Variants in MOB1A observed in about 807,000 individuals in gnomAD.
MOB1A encodes MOB1 Mps One Binder homolog A.
Under a neutral mutation model 25.1 loss-of-function variants are expected in MOB1A, and 10 were observed. The ratio of observed to expected loss-of-function variants is 0.40; its 90% CI spans 0.25 to 0.68. MOB1A has a LOEUF of 0.68. Among genes scored for constraint, MOB1A ranks in the 30% least tolerant of loss-of-function variants. The probability of loss-of-function intolerance (pLI) is 0.40; values close to 1 mark genes in which losing one functional copy is unlikely to be tolerated. For missense variants in MOB1A, 177 were observed against 256.3 expected (o/e 0.69, Z 2.11); for synonymous variants, 81 against 79.5 (o/e 1.02, Z -0.10).
chr2:74,167,448 A>G (rs759926264), intron 2 of MOB1A, among the ~76,000 whole-genome samples: 3 of 152,160 alleles, frequency 2.0e-5, no homozygotes, highest in Non-Finnish European at 4.4e-5. Flanking sequence ...ACAGGGTTTC[A>G]CCATGTTGGC....
At chr2:74,159,383 C>A in intron 4 of MOB1A, 129 bp from the exon 5 acceptor site, 1 of 746,098 alleles carries the variant, frequency 1.3e-6, no homozygotes. Flanking sequence ...CCTCGACCTC[C>A]TGGGCTCAAC....
rs1182254078 is a variant in MOB1A at position 74,169,769 on chromosome 2, C to G, written c.182-2662G>C. Among the ~76,000 whole-genome samples the G allele has an allele frequency of 2.0e-5, 3 of 152,030 alleles. No homozygotes were observed. The East Asian group carries it at 5.9e-4, about 30-fold the overall frequency. On this transcript the variant is annotated intron_variant, in intron 2 of 5. Coordinates refer to ENST00000396049, the MANE Select transcript of MOB1A (RefSeq NM_018221.5). Reference sequence around the variant, plus strand: ...TCAGCCTCCTCAGTAGCTGGGATTACAGGTGTGTGCCACCACACCCAGCAA... The same window carrying G: ...TCAGCCTCCTCAGTAGCTGGGATTAGAGGTGTGTGCCACCACACCCAGCAA...
chr2:74,174,293 A>G (rs75127362), intron 1 of MOB1A, among the ~76,000 whole-genome samples: 4,504 of 151,736 alleles, frequency 0.03, 183 homozygotes, highest in African/African-American at 0.095. Flanking sequence ...AAAGAAAAGA[A>G]AAGAAAAAAG....
intron 2 of MOB1A, among the ~76,000 whole-genome samples, chr2:74,170,682 C>T (rs1693267225): frequency 6.9e-6 from 1 of 145,684 alleles, no homozygotes; most frequent in African/African-American, 2.6e-5. Flanking sequence ...TTGCAATGAG[C>T]TGAGATCGCG....
chr2:74,178,846 C>G lies in MOB1A; in HGVS notation c.-172G>C, dbSNP rs984914825. ...AGCCTTTGCAAACCTCGGCGCCCGC[C>G]TTGCCCGCCTACCCCACCTCGCAGA... is the stretch of plus-strand genomic sequence containing the variant. On this transcript the variant is annotated 5_prime_UTR_variant, in exon 1 of 6. Coordinates refer to ENST00000396049, the MANE Select transcript of MOB1A (RefSeq NM_018221.5). The G allele has an allele frequency of 2.6e-4, 105 of 402,076 alleles. No homozygotes were observed. The highest frequency in any genetic ancestry group is 4.3e-5 in the Non-Finnish European group (10 of 231,842). The allele number at this position is 402,076 out of a possible 1,614,324, so 24.9% of individuals were successfully genotyped here. A position where few individuals can be genotyped will look rare whatever the true frequency, so the allele number is the denominator to read the frequency against.
At chr2:74,176,493 A>G (rs945122679) in intron 1 of MOB1A, among the ~76,000 whole-genome samples, 5 of 151,916 alleles carry the variant, frequency 3.3e-5, no homozygotes, top group East Asian at 3.9e-4. Flanking sequence ...GGCCGGGCGC[A>G]GTGGCTCACG....
At chr2:74,173,305 G>A (rs113583391) in intron 1 of MOB1A, 26 of 461,876 alleles carry the variant, frequency 5.6e-5, no homozygotes, top group African/African-American at 4.6e-4. Context: ...AAACATCCTG[G>A]ATTTTAGTTC....
Position 74,153,586 on chromosome 2 carries a change from T to C in MOB1A, c.*2982A>G, listed in dbSNP as rs1229935215. 2 of 152,258 alleles carry C rather than the reference T, an allele frequency of 1.3e-5. No homozygotes were observed. Among genetic ancestry groups the C allele is most frequent in the Admixed American group, 6.5e-5 (1 of 15,278 alleles). 9.4% of individuals were successfully genotyped at this position (152,258 alleles called of 1,614,324 possible). A position where few individuals can be genotyped will look rare whatever the true frequency, so the allele number is the denominator to read the frequency against. The stretch of plus-strand genomic sequence containing the variant: ...ACAATCTGAAGAATGAAAGACAAAT[T>C]TGGCTGTCAATACAAAAACTGTAGT... On this transcript the variant is annotated 3_prime_UTR_variant, in exon 6 of 6. Transcript: ENST00000396049.
chr2:74,173,282 G>A, intron 1 of MOB1A: 1 of 487,334 alleles, frequency 2.1e-6, no homozygotes, highest in Non-Finnish European at 4.1e-6. Context: ...CTCTGAAGAA[G>A]TCTGGTACAG....
At chr2:74,161,291 T>G (rs1212074358) in intron 4 of MOB1A, among the ~76,000 whole-genome samples, 1 of 152,182 alleles carries the variant, frequency 6.6e-6, no homozygotes, top group Non-Finnish European at 1.5e-5. Context: ...TTTTCAGACA[T>G]TATCCTGGAG....
chr2:74,168,081 G>A lies in MOB1A; in HGVS notation c.182-974C>T, dbSNP rs185132947. Among the ~76,000 whole-genome samples, 1,491 of 152,332 alleles carry A rather than the reference G, an allele frequency of 9.8e-3. 73 individuals are homozygous for A. The highest frequency in any genetic ancestry group is 0.064 in the Admixed American group (982 of 15,296). On this transcript the variant is annotated intron_variant, in intron 2 of 5. Coordinates refer to ENST00000396049, the MANE Select transcript of MOB1A (RefSeq NM_018221.5). Reference sequence around the variant, plus strand: ...TTGAGCCCAGGAGGCTGAGGTTGCCGTGAGCTGTGATGGTGCTACTGCACT... The same window carrying A: ...TTGAGCCCAGGAGGCTGAGGTTGCCATGAGCTGTGATGGTGCTACTGCACT...
At chr2:74,176,170 G>C (rs1454170064) in intron 1 of MOB1A, among the ~76,000 whole-genome samples, 1 of 148,198 alleles carries the variant, frequency 6.7e-6, no homozygotes, top group Non-Finnish European at 1.5e-5. Flanking sequence ...CAGCTACTTG[G>C]GAGGCTGAGG....
chr2:74,173,943 C>T (rs1186547665), intron 1 of MOB1A, among the ~76,000 whole-genome samples: 5 of 114,142 alleles, frequency 4.4e-5, no homozygotes, highest in African/African-American at 7.2e-5. Context: ...AGCGAAACTC[C>T]GTCTCAAAAA....
intron 4 of MOB1A, among the ~76,000 whole-genome samples, chr2:74,161,383 C>G (rs149013592): frequency 1.6e-3 from 246 of 152,242 alleles, no homozygotes; most frequent in Non-Finnish European, 2.9e-3. Flanking sequence ...GTGGCTCATG[C>G]CTGTAATCCC....
chr2:74,175,507 A>G (rs927344299), intron 1 of MOB1A, among the ~76,000 whole-genome samples: 2 of 152,190 alleles, frequency 1.3e-5, no homozygotes, highest in African/African-American at 4.8e-5. Flanking sequence ...TGAAAGTATA[A>G]AGTGTAACAT....
intron 3 of MOB1A, among the ~76,000 whole-genome samples, chr2:74,166,395 A>G (rs960584992): frequency 1.3e-5 from 2 of 152,248 alleles, no homozygotes; most frequent in Non-Finnish European, 2.9e-5. Flanking sequence ...AAATGTTATT[A>G]ATAAAATTGA....
At position 74,178,789 on chromosome 2, in the gene MOB1A, C is replaced by T; in HGVS notation, c.-115G>A. 4.0e-6 allele frequency: 2 copies of T among 501,902 alleles called. No individual in the cohort carries two copies. The highest frequency in any genetic ancestry group is 4.3e-5 in the East Asian group (1 of 23,054). The allele number at this position is 501,902 out of a possible 1,614,324, so 31.1% of individuals were successfully genotyped here. ...TCACGGGCAGCGGAAGCCGGGCCGCCGCCGCTCGGAGCCGGGTTTCTGGCC... is the reference window on the plus strand; with the variant it reads ...TCACGGGCAGCGGAAGCCGGGCCGCTGCCGCTCGGAGCCGGGTTTCTGGCC... On this transcript the variant is annotated 5_prime_UTR_variant, in exon 1 of 6. Coordinates refer to ENST00000396049, the MANE Select transcript of MOB1A (RefSeq NM_018221.5).
intron 2 of MOB1A, among the ~76,000 whole-genome samples, chr2:74,171,658 T>C (rs575785821): frequency 6.6e-6 from 1 of 152,180 alleles, no homozygotes; most frequent in Non-Finnish European, 1.5e-5. Flanking sequence ...ATCCTAGCAC[T>C]TTGGGAGGCC....
At chr2:74,177,000 T>G (rs1161118770) in intron 1 of MOB1A, among the ~76,000 whole-genome samples, 1 of 152,122 alleles carries the variant, frequency 6.6e-6, no homozygotes, top group Admixed American at 6.6e-5. Context: ...GCAGCATTAT[T>G]CATAATGGCC....
Sources: allele counts gnomAD v4.1 joint callset (sites outside exome capture counted in the v4.1 genomes callset), GRCh38; gene constraint gnomAD v4.1.1; transcripts MANE v1.5; gene names NCBI Gene and HGNC (gene_info 2026-07-23, HGNC 2026-07-21).